The following MLIP variants were observed in gnomAD, a reference collection of about 807,000 sequenced individuals.
MLIP encodes the protein muscular LMNA interacting protein, also known as muscular LMNA-interacting protein.
Under a neutral mutation model 84.8 loss-of-function variants are expected in MLIP, and 79 were observed. The observed-to-expected ratio is 0.93, with a 90% CI of 0.78 to 1.12. The LOEUF (loss-of-function observed/expected upper bound fraction) is 1.12, where lower values mean the gene tolerates loss of function less well. MLIP is among the 50% of genes most tolerant of loss of function. The pLI, the probability that MLIP is intolerant of heterozygous loss-of-function variation, is 0.00. For missense variants in MLIP, 1,257 were observed against 1,160.6 expected, an observed-to-expected ratio of 1.08 and a Z score of -1.21; for synonymous variants, 504 against 463.0, an observed-to-expected ratio of 1.09 and a Z score of -1.14.
intron 1 of MLIP, among the ~76,000 whole-genome samples, chr6:54,077,226 C>G (rs1766860827): frequency 6.6e-6 from 1 of 152,070 alleles, no homozygotes; most frequent in African/African-American, 2.4e-5. Flanking sequence ...TGGTAAATGT[C>G]TATTTAAAGC....
chr6:54,153,472 G>T (rs1040362467), intron 5 of MLIP, among the ~76,000 whole-genome samples: 1 of 151,952 alleles, frequency 6.6e-6, no homozygotes, highest in African/African-American at 2.4e-5. Context: ...CAGCTAAGTT[G>T]CCTATTTAAT....
At chr6:54,113,304 G>A (rs1254157548) in intron 1 of MLIP, among the ~76,000 whole-genome samples, 3 of 152,080 alleles carry the variant, frequency 2.0e-5, no homozygotes, top group African/African-American at 7.2e-5. Flanking sequence ...TGGATTATTT[G>A]AACTACTTCA....
chr6:54,036,922 C>A (rs542111044), intron 1 of MLIP, among the ~76,000 whole-genome samples: 1 of 152,106 alleles, frequency 6.6e-6, no homozygotes, highest in South Asian at 2.1e-4. Context: ...TACTTCATAA[C>A]TGGGGTGTTG....
intron 12 of MLIP, among the ~76,000 whole-genome samples, chr6:54,246,490 C>T (rs1782091688): frequency 6.6e-6 from 1 of 151,942 alleles, no homozygotes; most frequent in South Asian, 2.1e-4. Context: ...CTTTTTCCTA[C>T]TTTGGTTTTC....
At chr6:54,198,878 CTGTGTG>C (rs66922206) in intron 10 of MLIP, among the ~76,000 whole-genome samples, 1 of 137,696 alleles carries the variant, frequency 7.3e-6, no homozygotes, top group South Asian at 2.3e-4. Flanking sequence ...GTGTGTGTGT[CTGTGTG>C]TGTGTGTGTG....
intron 1 of MLIP, among the ~76,000 whole-genome samples, chr6:54,093,829 C>T (rs1768027206): frequency 6.6e-6 from 1 of 152,314 alleles, no homozygotes; most frequent in Admixed American, 6.5e-5. Flanking sequence ...CTGCTTTTGT[C>T]ATCCAGTGGC....
At chr6:54,140,040 CTGT>C (rs1260148134) in intron 4 of MLIP, among the ~76,000 whole-genome samples, 14 of 151,910 alleles carry the variant, frequency 9.2e-5, no homozygotes, top group African/African-American at 2.9e-4. Flanking sequence ...GTAAATTGAC[CTGT>C]TTATTATATT....
At chr6:54,240,148 A>G (rs1386957851) in intron 12 of MLIP, among the ~76,000 whole-genome samples, 1 of 152,242 alleles carries the variant, frequency 6.6e-6, no homozygotes, top group Non-Finnish European at 1.5e-5. Context: ...CAACAACGAA[A>G]TAGAATCACT....
intron 12 of MLIP, among the ~76,000 whole-genome samples, chr6:54,255,841 G>A (rs917771547): frequency 7.2e-5 from 11 of 152,112 alleles, no homozygotes; most frequent in Admixed American, 5.9e-4. Flanking sequence ...AAGGTTGGAC[G>A]TTTGACATTG....
At chr6:54,133,992 A>G (rs982274002) in intron 3 of MLIP, among the ~76,000 whole-genome samples, 4 of 151,900 alleles carry the variant, frequency 2.6e-5, no homozygotes, top group African/African-American at 9.7e-5. Context: ...GGTAAGAAAT[A>G]AATGGTAAAG....
At position 54,191,303 on chromosome 6, in the gene MLIP, A is replaced by G. The variant is rs554086867; in HGVS notation, c.2589+1389A>G. On this transcript the variant is annotated intron_variant, in intron 10 of 13. Transcript: ENST00000502396. ...TTATCCCAATAAAAATAATTACAAT[A>G]TATTTATTTGTAATACTGAGAAATC... 1.4e-4 allele frequency among the ~76,000 whole-genome samples: 21 copies of G among 152,300 alleles called. No homozygotes were observed. In the South Asian group the frequency reaches 1.4e-3, roughly 11 times the overall value.
intron 1 of MLIP, among the ~76,000 whole-genome samples, chr6:54,072,225 T>G (rs1304907776): frequency 6.6e-6 from 1 of 152,128 alleles, no homozygotes; most frequent in Admixed American, 6.6e-5. Context: ...TCCTGATGAT[T>G]TCATCACCCT....
intron 1 of MLIP, among the ~76,000 whole-genome samples, chr6:54,093,131 C>T (rs182249186): frequency 2.0e-5 from 3 of 152,162 alleles, no homozygotes; most frequent in East Asian, 1.9e-4. Context: ...CCTGCCTCAG[C>T]GTCCCAAAGT....
intron 1 of MLIP, among the ~76,000 whole-genome samples, chr6:54,105,269 C>T (rs1003471934): frequency 2.0e-5 from 3 of 152,140 alleles, no homozygotes; most frequent in African/African-American, 7.2e-5. Flanking sequence ...CGTCCTGCTC[C>T]TTTCTTTAGC....
intron 4 of MLIP, among the ~76,000 whole-genome samples, chr6:54,143,705 T>C (rs1772528733): frequency 6.6e-6 from 1 of 152,190 alleles, no homozygotes; most frequent in Non-Finnish European, 1.5e-5. Flanking sequence ...GCCAGGCTTG[T>C]CTAGGACTTG....
At chr6:54,100,773 A>G (rs972934509) in intron 1 of MLIP, among the ~76,000 whole-genome samples, 20 of 152,174 alleles carry the variant, frequency 1.3e-4, no homozygotes, top group African/African-American at 4.8e-4. Context: ...TGGTGATCCA[A>G]ACAGGCATCA....
intron 11 of MLIP, chr6:54,217,427 A>G: frequency 1.0e-6 from 1 of 985,418 alleles, no homozygotes; most frequent in Non-Finnish European, 1.2e-6. Context: ...GGCTTTTTCT[A>G]GAGCACCAAA....
At chr6:54,166,662 T>G (rs553122730) in intron 8 of MLIP, among the ~76,000 whole-genome samples, 1 of 152,106 alleles carries the variant, frequency 6.6e-6, no homozygotes, top group Non-Finnish European at 1.5e-5. Flanking sequence ...GCTCTAGTCA[T>G]GAGTCCTCAA....
At chr6:54,057,331 A>G (rs879690824) in intron 1 of MLIP, among the ~76,000 whole-genome samples, 10 of 152,204 alleles carry the variant, frequency 6.6e-5, no homozygotes, top group Admixed American at 1.3e-4. Context: ...AGTAGTTACA[A>G]CTGCATACGA....
Sources: allele counts gnomAD v4.1 joint callset (sites outside exome capture counted in the v4.1 genomes callset), GRCh38; gene constraint gnomAD v4.1.1; transcripts MANE v1.5; gene names NCBI Gene and HGNC (gene_info 2026-07-23, HGNC 2026-07-21).